Variants in ARHGEF3 observed in about 807,000 individuals in gnomAD.
ARHGEF3 encodes the protein Rho guanine nucleotide exchange factor 3.
Under a neutral mutation model 63.2 loss-of-function variants are expected in ARHGEF3, and 28 were observed. The ratio of observed to expected loss-of-function variants is 0.44; its 90% CI spans 0.33 to 0.61. ARHGEF3 has a LOEUF of 0.61. Among genes scored for constraint, ARHGEF3 ranks in the 20% least tolerant of loss-of-function variants. The pLI is 0.03. For synonymous variants in ARHGEF3, 266 were observed against 254.2 expected (o/e 1.05, Z -0.44); for missense variants, 533 against 659.3 (o/e 0.81, Z 2.10).
intron 2 of ARHGEF3, among the ~76,000 whole-genome samples, chr3:57,010,087 C>T (rs910486019): frequency 1.3e-5 from 2 of 152,096 alleles, no homozygotes; most frequent in African/African-American, 2.4e-5. Context: ...AACATGCAGG[C>T]GCCACAGCAC....
At chr3:56,740,836 G>A (rs959898178) in intron 7 of ARHGEF3, among the ~76,000 whole-genome samples, 6 of 152,188 alleles carry the variant, frequency 3.9e-5, no homozygotes, top group Non-Finnish European at 7.3e-5. Flanking sequence ...TTTCTGAGTT[G>A]CCTGCAAATA....
intron 2 of ARHGEF3, among the ~76,000 whole-genome samples, chr3:56,967,267 A>G (rs1326231108): frequency 1.1e-5 from 1 of 90,860 alleles, no homozygotes; most frequent in Non-Finnish European, 2.6e-5. Flanking sequence ...ACATACTTAT[A>G]TATAATAATA....
At chr3:56,753,462 A>G (rs2034890972) in intron 4 of ARHGEF3, 42 bp downstream of exon 4, 4 of 1,587,668 alleles carry the variant, frequency 2.5e-6, no homozygotes, top group Non-Finnish European at 3.5e-6. Flanking sequence ...CTCAAGAAAA[A>G]AAATGTGACT....
intron 2 of ARHGEF3, among the ~76,000 whole-genome samples, chr3:56,959,993 CA>C (rs939514747): frequency 6.6e-6 from 1 of 152,126 alleles, no homozygotes; most frequent in Non-Finnish European, 1.5e-5. Context: ...AAACAAACCC[CA>C]AAAGGTTGGT....
chr3:56,969,728 C>T (rs1471618820), intron 2 of ARHGEF3, among the ~76,000 whole-genome samples: 1 of 137,694 alleles, frequency 7.3e-6, no homozygotes, highest in Admixed American at 8.3e-5. Context: ...ACTCCAGCCT[C>T]GGTGACAGAG....
intron 2 of ARHGEF3, among the ~76,000 whole-genome samples, chr3:57,014,100 G>A (rs998617877): frequency 3.3e-5 from 5 of 151,804 alleles, no homozygotes; most frequent in South Asian, 2.1e-4. Flanking sequence ...CAGGAGGAAC[G>A]AACAACTCCA....
chr3:56,876,937 G>A (rs2040604708), intron 4 of ARHGEF3, among the ~76,000 whole-genome samples: 2 of 152,350 alleles, frequency 1.3e-5, no homozygotes, highest in East Asian at 1.9e-4. Flanking sequence ...CAAGGGACTG[G>A]TCATGCAGTC....
Position 56,919,946 on chromosome 3 carries a change from G to A in ARHGEF3, c.130-37592C>T, listed in dbSNP as rs75271449. ...GCATACAGCCCTCAGAAGACACAGC[G>A]AGAAACCTGCTCTGGGATATTCAAG... On this transcript the variant is annotated intron_variant, in intron 3 of 12. Transcript: ENST00000338458. 2.5e-3 allele frequency among the ~76,000 whole-genome samples: 377 copies of A among 152,290 alleles called. 2 individuals are homozygous for A. Among genetic ancestry groups the A allele is most frequent in the African/African-American group, 8.4e-3 (351 of 41,570 alleles).
chr3:56,937,135 T>C (rs553682963), intron 3 of ARHGEF3, among the ~76,000 whole-genome samples: 37 of 152,224 alleles, frequency 2.4e-4, no homozygotes, highest in African/African-American at 8.4e-4. Context: ...CTTGATTGGA[T>C]AAAAACAAAC....
intron 2 of ARHGEF3, among the ~76,000 whole-genome samples, chr3:57,017,788 G>A (rs1440543967): frequency 6.6e-6 from 1 of 152,160 alleles, no homozygotes; most frequent in Non-Finnish European, 1.5e-5. Flanking sequence ...GCCCATTCAC[G>A]CTTCTCCAAG....
chr3:57,023,885 T>C (rs924819934), intron 2 of ARHGEF3, among the ~76,000 whole-genome samples: 3 of 152,248 alleles, frequency 2.0e-5, no homozygotes, highest in African/African-American at 7.2e-5. Context: ...TGTGTGCTCC[T>C]GTACTATAAG....
chr3:56,779,389 T>C (rs2036441489), intron 1 of ARHGEF3, among the ~76,000 whole-genome samples: 1 of 152,202 alleles, frequency 6.6e-6, no homozygotes, highest in Non-Finnish European at 1.5e-5. Context: ...CAAAGCTAGG[T>C]GCAGGGCACA....
In ARHGEF3 at chr3:56,978,382, A is replaced by T. The variant is rs1226229190; in HGVS notation, c.63-19493T>A. Among the ~76,000 whole-genome samples the T allele has an allele frequency of 3.9e-5, 6 of 152,358 alleles. No homozygotes were observed. In the East Asian group the frequency reaches 1.2e-3, roughly 29 times the overall value. On this transcript the variant is annotated intron_variant, in intron 2 of 12. Coordinates refer to the ARHGEF3 transcript ENST00000338458. ...CATGTCACACGTTCCTACACTGTCT[A>T]AAATTTTATGACATGTACATTTTTG...
intron 2 of ARHGEF3, among the ~76,000 whole-genome samples, chr3:56,963,915 C>G (rs181370977): frequency 1.3e-5 from 2 of 152,310 alleles, no homozygotes; most frequent in African/African-American, 4.8e-5. Flanking sequence ...GAATAGAAAG[C>G]TCATCACTTT....
At chr3:57,021,300 G>C (rs1334483965) in intron 2 of ARHGEF3, among the ~76,000 whole-genome samples, 5 of 146,084 alleles carry the variant, frequency 3.4e-5, no homozygotes, top group African/African-American at 1.0e-4. Flanking sequence ...ATTCCTGATT[G>C]AAAAAAGAAA....
intron 1 of ARHGEF3, among the ~76,000 whole-genome samples, chr3:57,068,330 C>T (rs79653423): frequency 0.026 from 3,997 of 152,196 alleles, 81 homozygotes; most frequent in Non-Finnish European, 0.037. Context: ...AAAGGTAATA[C>T]GTTCATTTTC....
At chr3:56,751,446 G>A in intron 4 of ARHGEF3, 50 bp from the exon 5 acceptor site, 1 of 1,509,796 alleles carries the variant, frequency 6.6e-7, no homozygotes. Context: ...ATCAGAGGAA[G>A]TACATTGTTC....
At chr3:56,970,774 T>G (rs1292283669) in intron 2 of ARHGEF3, among the ~76,000 whole-genome samples, 3 of 152,356 alleles carry the variant, frequency 2.0e-5, no homozygotes, top group Admixed American at 2.0e-4. Context: ...TGTCAGTGCT[T>G]CCTGAGTGCT....
At chr3:56,950,433 A>G (rs1316845125) in intron 3 of ARHGEF3, among the ~76,000 whole-genome samples, 4 of 148,854 alleles carry the variant, frequency 2.7e-5, no homozygotes, top group Non-Finnish European at 6.0e-5. Flanking sequence ...CAAATTTACA[A>G]GAAAAAAAGA....
Sources: gnomAD v4.1 joint callset for allele counts (sites outside exome capture counted in the v4.1 genomes callset) on GRCh38, gnomAD v4.1.1 for gene constraint, MANE v1.5 for transcripts, NCBI Gene and HGNC (gene_info 2026-07-23, HGNC 2026-07-21) for gene names.